The following CDC27 variants were observed in gnomAD, a reference collection of about 807,000 sequenced individuals.
CDC27 encodes cell division cycle 27.
A neutral mutation model predicts 109.7 loss-of-function variants in CDC27; 27 were observed. That is an observed-to-expected ratio of 0.25 (90% CI 0.18 to 0.34). CDC27 has a LOEUF of 0.34. CDC27 is among the 10% of genes least tolerant of loss of function. The probability of loss-of-function intolerance (pLI) is 1.00; values close to 1 mark genes in which losing one functional copy is unlikely to be tolerated. For missense variants in CDC27, 579 were observed against 960.2 expected (o/e 0.60, Z 5.25); for synonymous variants, 266 against 333.9 (o/e 0.80, Z 2.22).
At chr17:47,186,081 T>C (rs1359369101) in intron 1 of CDC27, among the ~76,000 whole-genome samples, 2 of 152,220 alleles carry the variant, frequency 1.3e-5, no homozygotes, top group African/African-American at 4.8e-5. Context: ...GATCATGCAG[T>C]TGGATTATTC....
At chr17:47,134,162 C>T (rs1458740228) in intron 14 of CDC27, among the ~76,000 whole-genome samples, 5 of 150,402 alleles carry the variant, frequency 3.3e-5, no homozygotes, top group Non-Finnish European at 7.4e-5. Context: ...GCCTCCCAAA[C>T]GCTAGGATTA....
intron 13 of CDC27, among the ~76,000 whole-genome samples, chr17:47,138,203 C>A (rs1386734310): frequency 6.6e-6 from 1 of 152,202 alleles, no homozygotes; most frequent in Non-Finnish European, 1.5e-5. Flanking sequence ...CTCTCCATCA[C>A]TCCCAGGAAC....
rs375503037 is a variant in CDC27, at chr17:47,123,834, G to A, written c.2235+52C>T. The A allele has an allele frequency of 3.0e-5, 38 of 1,264,842 alleles. 1 individual carries two copies. The highest frequency in any genetic ancestry group is 3.8e-5 in the Non-Finnish European group (34 of 901,334). The allele number at this position is 1,264,842 out of a possible 1,614,324, so 78.4% of individuals were successfully genotyped here. The stretch of plus-strand genomic sequence containing the variant: ...AGTATTACATTTATTCTTATAAAAT[G>A]TCATTATTTGCTATGAAAGTCACTG... On this transcript the variant is annotated intron_variant, in intron 17 of 18. Coordinates refer to ENST00000066544, the MANE Select transcript of CDC27 (RefSeq NM_001256.6).
rs138623180 is a variant in CDC27, at chr17:47,180,691, A to C, written c.103+871T>G. Among the ~76,000 whole-genome samples, 292 of 152,146 alleles carry C rather than the reference A, an allele frequency of 1.9e-3. 1 individual carries two copies. Among genetic ancestry groups the C allele is most frequent in the African/African-American group, 5.3e-3 (219 of 41,506 alleles). ...TAATAATGACAGAAACAAAACATAC[A>C]TTATCAGTGGTGTTTATTAAGCATT... On this transcript the variant is annotated intron_variant, in intron 2 of 18. Transcript: ENST00000066544.
At chr17:47,162,227 C>T (rs1264001169) in intron 4 of CDC27, among the ~76,000 whole-genome samples, 2 of 152,208 alleles carry the variant, frequency 1.3e-5, no homozygotes, top group Non-Finnish European at 2.9e-5. Flanking sequence ...CATGTACTTT[C>T]ATTTTATTTC....
At chr17:47,163,075 AC>A (rs1177608255) in intron 4 of CDC27, among the ~76,000 whole-genome samples, 7 of 151,952 alleles carry the variant, frequency 4.6e-5, no homozygotes, top group Non-Finnish European at 8.8e-5. Context: ...TGAGTGATAC[AC>A]ACAAAACCCA....
intron 1 of CDC27, among the ~76,000 whole-genome samples, chr17:47,188,010 GA>G (rs987387890): frequency 2.2e-4 from 34 of 151,998 alleles, no homozygotes; most frequent in African/African-American, 6.0e-4. Flanking sequence ...AACAGCTGGA[GA>G]AAAAAACCAA....
intron 14 of CDC27, among the ~76,000 whole-genome samples, chr17:47,133,413 C>T (rs900376002): frequency 1.4e-5 from 2 of 140,828 alleles, no homozygotes; most frequent in African/African-American, 2.7e-5. Flanking sequence ...GCTGGGACTA[C>T]AGGTGTGAGT....
rs767542427 is a variant in CDC27 at position 47,120,735 on chromosome 17, G to A, written c.*200C>T. The A allele has an allele frequency of 1.5e-5, 7 of 472,378 alleles. No individual in the cohort carries two copies. Among genetic ancestry groups the A allele is most frequent in the Non-Finnish European group, 2.6e-5 (7 of 264,584 alleles). 29.3% of individuals were successfully genotyped at this position (472,378 alleles called of 1,614,324 possible). ...TAAATTGTCATTCATACTGGTAAAA[G>A]AGCCAGTCTTGTTAGCAGCTAAATA... On this transcript the variant is annotated 3_prime_UTR_variant, in exon 19 of 19. Coordinates refer to ENST00000066544, the MANE Select transcript of CDC27 (RefSeq NM_001256.6).
At position 47,120,350 on chromosome 17, in the gene CDC27, T is replaced by C. The variant is rs776793547; in HGVS notation, c.*585A>G. The C allele has an allele frequency of 6.5e-6, 1 of 152,880 alleles. No homozygotes were observed. Among genetic ancestry groups the C allele is most frequent in the Non-Finnish European group, 1.5e-5 (1 of 68,214 alleles). The allele number at this position is 152,880 out of a possible 1,614,324, so 9.5% of individuals were successfully genotyped here. A position where few individuals can be genotyped will look rare whatever the true frequency, so the allele number is the denominator to read the frequency against. On this transcript the variant is annotated 3_prime_UTR_variant, in exon 19 of 19. Transcript: ENST00000066544. ...ACTGTATGGAGGGATATTTGATTCC[T>C]ACATACGAGTCCCAATATGCCCATT...
chr17:47,121,086 A>G, intron 18 of CDC27, 69 bp from the exon 19 acceptor site: 1 of 998,290 alleles, frequency 1.0e-6, no homozygotes, highest in Non-Finnish European at 1.5e-6. Context: ...CATGAAAACA[A>G]GTAAGAAAAA....
intron 15 of CDC27, among the ~76,000 whole-genome samples, chr17:47,130,673 G>A (rs1448534759): frequency 1.3e-5 from 2 of 151,886 alleles, no homozygotes; most frequent in African/African-American, 4.8e-5. Context: ...TCAAGAGTTC[G>A]AGACCAGCCT....
intron 8 of CDC27, 89 bp from the exon 9 acceptor site, chr17:47,152,007 T>C (rs2063167910): frequency 5.8e-6 from 7 of 1,215,002 alleles, no homozygotes; most frequent in Admixed American, 2.8e-5. Flanking sequence ...CTACATTTTC[T>C]CAATACAAGC....
chr17:47,169,737 A>G (rs911465953), intron 4 of CDC27, 180 bp downstream of exon 4: 13 of 399,506 alleles, frequency 3.3e-5, no homozygotes, highest in African/African-American at 2.1e-4. Context: ...ATCAGTAAGG[A>G]TAAGTGGAGA....
At chr17:47,128,354 G>A (rs140191083) in intron 16 of CDC27, among the ~76,000 whole-genome samples, 27 of 152,028 alleles carry the variant, frequency 1.8e-4, no homozygotes, top group Non-Finnish European at 3.1e-4. Context: ...AAAAGATTTT[G>A]CTTCATGGTT....
chr17:47,147,030 T>C (rs1284245716), intron 9 of CDC27, among the ~76,000 whole-genome samples: 1 of 152,126 alleles, frequency 6.6e-6, no homozygotes, highest in Non-Finnish European at 1.5e-5. Flanking sequence ...ACCACTGTAC[T>C]CTAGCCTGGG....
chr17:47,171,792 G>T, intron 3 of CDC27, 125 bp downstream of exon 3: 1 of 634,896 alleles, frequency 1.6e-6, no homozygotes, highest in South Asian at 2.1e-5. Flanking sequence ...TAAACATTTC[G>T]AATGTTACTG....
chr17:47,167,846 C>A (rs2063695132), intron 4 of CDC27, among the ~76,000 whole-genome samples: 1 of 152,202 alleles, frequency 6.6e-6, no homozygotes, highest in African/African-American at 2.4e-5. Context: ...CCCTGCCCCA[C>A]CTTCAGAAAC....
intron 2 of CDC27, 172 bp downstream of exon 2, chr17:47,181,390 A>AAGTAGTAT (rs376119729): frequency 9.4e-5 from 38 of 402,390 alleles, no homozygotes; most frequent in African/African-American, 7.0e-4. Flanking sequence ...TAGTTATTAA[A>AAGTAGTAT]AGTAGTATGT....
Sources: gnomAD v4.1 joint callset for allele counts (sites outside exome capture counted in the v4.1 genomes callset) on GRCh38, gnomAD v4.1.1 for gene constraint, MANE v1.5 for transcripts, NCBI Gene and HGNC (gene_info 2026-07-23, HGNC 2026-07-21) for gene names.